The following MREG variants were observed in gnomAD, a reference collection of about 807,000 sequenced individuals.
MREG encodes the protein melanoregulin, also known as dilute suppressor protein homolog.
Under a neutral mutation model 28.5 loss-of-function variants are expected in MREG, and 31 were observed. The observed-to-expected ratio is 1.09, with a 90% CI of 0.82 to 1.47. The LOEUF (loss-of-function observed/expected upper bound fraction) is 1.47, where lower values mean the gene tolerates loss of function less well. MREG is among the 40% of genes most tolerant of loss of function. The probability of loss-of-function intolerance (pLI) is 0.00; values close to 1 mark genes in which losing one functional copy is unlikely to be tolerated. For missense variants in MREG, 256 were observed against 257.4 expected, an observed-to-expected ratio of 0.99 and a Z score of 0.04; for synonymous variants, 106 against 95.2, an observed-to-expected ratio of 1.11 and a Z score of -0.66.
At chr2:216,025,774 A>G (rs906849217) in intron 1 of MREG, among the ~76,000 whole-genome samples, 2 of 152,216 alleles carry the variant, frequency 1.3e-5, no homozygotes, top group African/African-American at 2.4e-5. Flanking sequence ...GAGGATCTAG[A>G]GCCCGTGAAT....
chr2:215,945,552 A>G lies in MREG; in HGVS notation c.510+19T>C. On this transcript the variant is annotated intron_variant, in intron 4 of 4. Transcript: ENST00000263268. ...AATTAAAGCAAAATTAGGGCAAATG[A>G]AAAAAAGCATCCACTTACCACAACA... 6.3e-7 allele frequency: 1 copy of G among 1,599,888 alleles called. No individual in the cohort carries two copies. Among genetic ancestry groups the G allele is most frequent in the Non-Finnish European group, 8.5e-7 (1 of 1,174,456 alleles).
intron 2 of MREG, among the ~76,000 whole-genome samples, chr2:215,948,656 T>C (rs1171815504): frequency 1.3e-5 from 2 of 152,216 alleles, no homozygotes; most frequent in Non-Finnish European, 2.9e-5. Flanking sequence ...CCACTCAGTA[T>C]AGCATATTGG....
rs148525664 is a variant in MREG, at chr2:216,018,569, T to A, written c.-68+14220A>T. ...AGCAGAGAAAAACGAACAAGTAGCG[T>A]CTTCCTTAAAGAAAAAATAGGGTTT... On this transcript the variant is annotated intron_variant, in intron 1 of 3. Transcript: ENST00000420348. Among the ~76,000 whole-genome samples the A allele has an allele frequency of 1.5e-3, 222 of 152,304 alleles. 1 individual carries two copies. The highest frequency in any genetic ancestry group is 5.1e-3 in the African/African-American group (212 of 41,560).
At chr2:216,028,909 G>A in intron 1 of MREG, among the ~76,000 whole-genome samples, 1 of 151,502 alleles carries the variant, frequency 6.6e-6, no homozygotes. Context: ...TAAAGAAAAA[G>A]AACATAAAAA....
chr2:215,999,801 G>A (rs1693966709), intron 1 of MREG, among the ~76,000 whole-genome samples: 1 of 152,162 alleles, frequency 6.6e-6, no homozygotes, highest in Admixed American at 6.5e-5. Context: ...CAGAAGCCAC[G>A]GCTGACATGA....
intron 1 of MREG, among the ~76,000 whole-genome samples, chr2:216,030,108 G>A (rs1694657759): frequency 6.6e-6 from 1 of 152,142 alleles, no homozygotes; most frequent in African/African-American, 2.4e-5. Flanking sequence ...GAAGATTTAG[G>A]TTTCAAATTT....
At chr2:216,012,219 T>C (rs1318947302) in intron 1 of MREG, among the ~76,000 whole-genome samples, 3 of 152,016 alleles carry the variant, frequency 2.0e-5, no homozygotes, top group Non-Finnish European at 4.4e-5. Flanking sequence ...TGAGGGAGGG[T>C]TGGAGCCAAT....
intron 2 of MREG, among the ~76,000 whole-genome samples, chr2:215,989,697 G>A (rs573995959): frequency 3.4e-4 from 52 of 151,980 alleles, no homozygotes; most frequent in African/African-American, 1.2e-3. Context: ...AGAGAAGAAC[G>A]TAAATGACCT....
chr2:216,006,704 T>C (rs1370784075), intron 1 of MREG, among the ~76,000 whole-genome samples: 1 of 152,206 alleles, frequency 6.6e-6, no homozygotes, highest in Admixed American at 6.5e-5. Context: ...CTAAAAGCCC[T>C]TCCAATGGGG....
At chr2:215,969,537 G>C (rs1467117246) in intron 2 of MREG, among the ~76,000 whole-genome samples, 1 of 152,146 alleles carries the variant, frequency 6.6e-6, no homozygotes, top group Non-Finnish European at 1.5e-5. Context: ...CATATTGTAA[G>C]GCAGAGAAAA....
intron 2 of MREG, among the ~76,000 whole-genome samples, chr2:215,992,869 A>T (rs773286414): frequency 7.2e-5 from 11 of 152,200 alleles, no homozygotes; most frequent in Admixed American, 2.0e-4. Context: ...GATGTGAAAG[A>T]CCTCTTCAGG....
intron 1 of MREG, among the ~76,000 whole-genome samples, chr2:216,010,813 C>T (rs1175432709): frequency 1.3e-5 from 2 of 151,314 alleles, no homozygotes; most frequent in Admixed American, 6.6e-5. Flanking sequence ...GATCAATGAT[C>T]GGCCAGGCGC....
rs150308188 is a variant in MREG, at chr2:215,984,946, C to T, written c.255+11360G>A. 3.3e-5 allele frequency among the ~76,000 whole-genome samples: 5 copies of T among 152,318 alleles called. No homozygotes were observed. In the East Asian group the frequency reaches 9.6e-4, roughly 29 times the overall value. On this transcript the variant is annotated intron_variant, in intron 2 of 4. Coordinates refer to ENST00000263268, the MANE Select transcript of MREG (RefSeq NM_018000.3). Reference sequence around the variant, plus strand: ...TTTGAAATCTATATTGAATCACAAACAATATCTGTTCCTTTCTCTCCATTT... The same window carrying T: ...TTTGAAATCTATATTGAATCACAAATAATATCTGTTCCTTTCTCTCCATTT...
intron 1 of MREG, among the ~76,000 whole-genome samples, chr2:216,029,261 C>T (rs1177818321): frequency 6.6e-6 from 1 of 152,132 alleles, no homozygotes; most frequent in African/African-American, 2.4e-5. Flanking sequence ...AGGCAGATCA[C>T]GAGGTCAAGA....
At chr2:215,988,013 T>C (rs565258914) in intron 2 of MREG, among the ~76,000 whole-genome samples, 40 of 152,364 alleles carry the variant, frequency 2.6e-4, no homozygotes, top group African/African-American at 9.1e-4. Flanking sequence ...CTTCATGTTA[T>C]TTATTTGACT....
Position 216,031,673 on chromosome 2 carries a change from AAGAAAGAAAGAAAGAAAGAGAAAG to A in MREG, c.-68+1092_-68+1115del, listed in dbSNP as rs1390030165. On this transcript the variant is annotated intron_variant, in intron 1 of 3. Transcript: ENST00000420348. ...AAAGAAAGAAAGAAAGAAAGAAAGA[AAGAAAGAAAGAAAGAAAGAGAAAG>A]AAAGAAAGAAAGAAAGGGAAATGAA... Among the ~76,000 whole-genome samples, 27 of 121,346 alleles carry A rather than the reference AAGAAAGAAAGAAAGAAAGAGAAAG, an allele frequency of 2.2e-4. No individual in the cohort carries two copies. The East Asian group carries it at 5.7e-3, about 26-fold the overall frequency. The allele number at this position is 121,346 out of a possible 152,430, so 79.6% of individuals were successfully genotyped here. A position where few individuals can be genotyped will look rare whatever the true frequency, so the allele number is the denominator to read the frequency against.
At chr2:216,006,503 T>C (rs1230104677) in intron 1 of MREG, among the ~76,000 whole-genome samples, 3 of 152,328 alleles carry the variant, frequency 2.0e-5, no homozygotes, top group East Asian at 1.9e-4. Flanking sequence ...TGAATCATTG[T>C]CCGGCCCCGG....
chr2:216,012,798 T>C (rs1384589290), intron 1 of MREG, among the ~76,000 whole-genome samples: 3 of 152,214 alleles, frequency 2.0e-5, no homozygotes, highest in Non-Finnish European at 2.9e-5. Flanking sequence ...TCGTCTTCGT[T>C]GGGTAATAAA....
chr2:215,998,368 A>C (rs1479781994), intron 1 of MREG, among the ~76,000 whole-genome samples: 5 of 151,916 alleles, frequency 3.3e-5, no homozygotes, highest in African/African-American at 1.2e-4. Context: ...ACCAGGGCCC[A>C]CTTACAAAAA....
Sources: gnomAD v4.1 joint callset for allele counts (sites outside exome capture counted in the v4.1 genomes callset) on GRCh38, gnomAD v4.1.1 for gene constraint, MANE v1.5 for transcripts, NCBI Gene and HGNC (gene_info 2026-07-23, HGNC 2026-07-21) for gene names.